The following WWOX variants were observed in gnomAD, a reference collection of about 807,000 sequenced individuals.
WWOX encodes the protein WW domain-containing oxidoreductase.
A neutral mutation model predicts 46.2 loss-of-function variants in WWOX; 69 were observed. That is an observed-to-expected ratio of 1.49 (90% confidence interval 1.23 to 1.82). WWOX has a LOEUF of 1.82. WWOX is among the 40% of genes most tolerant of loss of function. WWOX has a pLI of 0.00. For synonymous variants in WWOX, 359 were observed against 202.6 expected (o/e 1.77, Z -6.56); for missense variants, 919 against 542.6 (o/e 1.69, Z -6.89).
intron 8 of WWOX, among the ~76,000 whole-genome samples, chr16:78,809,123 G>T (rs950167616): frequency 6.6e-5 from 10 of 151,934 alleles, no homozygotes; most frequent in African/African-American, 2.2e-4. Flanking sequence ...GTTTCTGTCT[G>T]TTCTCCCCCT....
intron 8 of WWOX, among the ~76,000 whole-genome samples, chr16:79,098,506 C>G (rs773387658): frequency 1.3e-5 from 2 of 152,254 alleles, no homozygotes; most frequent in Non-Finnish European, 2.9e-5. Context: ...TCACCCCTTC[C>G]CTGGTACTGA....
chr16:78,715,823 A>G (rs568970632), intron 8 of WWOX, among the ~76,000 whole-genome samples: 20 of 152,206 alleles, frequency 1.3e-4, no homozygotes, highest in African/African-American at 4.1e-4. Flanking sequence ...TCTAGAATCT[A>G]TCAACTCCCT....
chr16:78,929,882 C>T (rs908784033), intron 8 of WWOX, among the ~76,000 whole-genome samples: 1 of 152,100 alleles, frequency 6.6e-6, no homozygotes, highest in Non-Finnish European at 1.5e-5. Context: ...AGTATCTAGC[C>T]CATCCTTCTT....
At chr16:78,363,296 C>T (rs1361027618) in intron 5 of WWOX, among the ~76,000 whole-genome samples, 5 of 149,944 alleles carry the variant, frequency 3.3e-5, no homozygotes, top group Non-Finnish European at 7.4e-5. Context: ...TTTTTTTTGA[C>T]GGGGTCTTAA....
At chr16:78,420,985 G>A (rs1295150385) in intron 6 of WWOX, among the ~76,000 whole-genome samples, 1 of 151,884 alleles carries the variant, frequency 6.6e-6, no homozygotes, top group Non-Finnish European at 1.5e-5. Context: ...GGAACCTCTG[G>A]CTTAATCATT....
In WWOX at chr16:79,009,667, T is replaced by A. The variant is rs7188867; in HGVS notation, c.1057-201941T>A. On this transcript the variant is annotated intron_variant, in intron 8 of 8. Coordinates refer to ENST00000566780, the MANE Select transcript of WWOX (RefSeq NM_016373.4). ...GGTTTCCCCATGTTGGCCAGCCTTG[T>A]CTTGAACTCCTGACCTCAGGTGATC... is the stretch of plus-strand genomic sequence containing the variant. Among the ~76,000 whole-genome samples the A allele has an allele frequency of 2.6e-5, 4 of 152,246 alleles. No individual in the cohort carries two copies. The East Asian group carries it at 5.8e-4, about 22-fold the overall frequency.
intron 8 of WWOX, among the ~76,000 whole-genome samples, chr16:78,585,911 T>G (rs1359833001): frequency 6.6e-6 from 1 of 151,994 alleles, no homozygotes; most frequent in Non-Finnish European, 1.5e-5. Context: ...CTTCAGAGGT[T>G]TGGTGATCAG....
chr16:78,979,156 C>G (rs1184668736), intron 8 of WWOX, among the ~76,000 whole-genome samples: 2 of 144,710 alleles, frequency 1.4e-5, no homozygotes, highest in East Asian at 4.1e-4. Flanking sequence ...TGGGTCTTAT[C>G]TTGTTTTATG....
intron 8 of WWOX, among the ~76,000 whole-genome samples, chr16:78,916,758 GA>G (rs2045261517): frequency 6.6e-6 from 1 of 152,180 alleles, no homozygotes; most frequent in African/African-American, 2.4e-5. Context: ...TAAATTCTGG[GA>G]AAGTTTATCC....
chr16:78,337,935 T>TG (rs1375161265), intron 5 of WWOX, among the ~76,000 whole-genome samples: 1,098 of 118,718 alleles, frequency 9.2e-3, no homozygotes, highest in Non-Finnish European at 0.015. Flanking sequence ...TCGTGTCTCT[T>TG]GCTGGGGTCT....
chr16:78,580,795 A>G (rs966478670), intron 8 of WWOX, among the ~76,000 whole-genome samples: 1 of 152,224 alleles, frequency 6.6e-6, no homozygotes, highest in African/African-American at 2.4e-5. Context: ...TAATAATGCC[A>G]TGTATGATGG....
At chr16:78,211,592 A>G (rs2036561710) in intron 5 of WWOX, among the ~76,000 whole-genome samples, 2 of 152,134 alleles carry the variant, frequency 1.3e-5, no homozygotes, top group African/African-American at 2.4e-5. Context: ...TCAAGACTAC[A>G]TTGATGTCTT....
At chr16:78,566,128 T>C (rs1197366996) in intron 8 of WWOX, among the ~76,000 whole-genome samples, 1 of 152,050 alleles carries the variant, frequency 6.6e-6, no homozygotes, top group East Asian at 1.9e-4. Flanking sequence ...TGTCCTCTCA[T>C]GGCAGAGAGA....
intron 8 of WWOX, among the ~76,000 whole-genome samples, chr16:78,917,711 T>A (rs1247593232): frequency 6.6e-6 from 1 of 152,060 alleles, no homozygotes. Context: ...AGGGACTGTA[T>A]CTCCTGTTTT....
chr16:78,496,795 G>A (rs971383425), intron 8 of WWOX, among the ~76,000 whole-genome samples: 3 of 152,186 alleles, frequency 2.0e-5, no homozygotes, highest in African/African-American at 4.8e-5. Flanking sequence ...GTGCATTGAG[G>A]AAGAGGCCCC....
chr16:78,945,302 T>G (rs952346351), intron 8 of WWOX, among the ~76,000 whole-genome samples: 1 of 152,362 alleles, frequency 6.6e-6, no homozygotes, highest in Non-Finnish European at 1.5e-5. Flanking sequence ...CGATTTGAGT[T>G]GAGCAATTTG....
chr16:78,862,524 A>G (rs1038079663), intron 8 of WWOX, among the ~76,000 whole-genome samples: 3 of 152,268 alleles, frequency 2.0e-5, no homozygotes, highest in South Asian at 4.1e-4. Context: ...AAAGATATAT[A>G]TAAAGATTTT....
chr16:78,857,406 T>C (rs1597728463), intron 8 of WWOX, among the ~76,000 whole-genome samples: 1 of 152,066 alleles, frequency 6.6e-6, no homozygotes. Flanking sequence ...AAAAGAAGAG[T>C]TGTCCTGAAT....
At chr16:78,605,433 C>T (rs1265493223) in intron 8 of WWOX, among the ~76,000 whole-genome samples, 1 of 151,582 alleles carries the variant, frequency 6.6e-6, no homozygotes, top group Non-Finnish European at 1.5e-5. Flanking sequence ...CGCTCTTCTA[C>T]TCTCAGTGAA....
Sources: allele counts gnomAD v4.1 joint callset (sites outside exome capture counted in the v4.1 genomes callset), GRCh38; gene constraint gnomAD v4.1.1; transcripts MANE v1.5; gene names NCBI Gene and HGNC (gene_info 2026-07-23, HGNC 2026-07-21).